Variants in TGM7 observed in about 807,000 individuals in gnomAD.
TGM7 encodes protein-glutamine gamma-glutamyltransferase Z.
Under a neutral mutation model 79.5 loss-of-function variants are expected in TGM7, and 74 were observed. The observed-to-expected ratio is 0.93, with a 90% CI of 0.77 to 1.13. The LOEUF is 1.13. Ranked by LOEUF, TGM7 falls within the 50% of genes most tolerant of loss-of-function variation. The probability of loss-of-function intolerance (pLI) is 0.00; values close to 1 mark genes in which losing one functional copy is unlikely to be tolerated. For synonymous variants in TGM7, 354 were observed against 362.5 expected, an observed-to-expected ratio of 0.98 and a Z score of 0.27; for missense variants, 912 against 905.9, an observed-to-expected ratio of 1.01 and a Z score of -0.09.
rs2042877004 is a variant in TGM7 at position 43,276,379 on chromosome 15, C to T, written c.*76G>A. 6.6e-7 allele frequency: 1 copy of T among 1,526,668 alleles called. No homozygotes were observed. Among genetic ancestry groups the T allele is most frequent in the Non-Finnish European group, 8.8e-7 (1 of 1,132,582 alleles). The allele number at this position is 1,526,668 out of a possible 1,614,324, so 94.6% of individuals were successfully genotyped here. On this transcript the variant is annotated 3_prime_UTR_variant, in exon 13 of 13. Coordinates refer to ENST00000452443, the MANE Select transcript of TGM7 (RefSeq NM_052955.3). ...GGCTAGAGAGAGGACAGAGGTGGAG[C>T]CAAGACGACATAGCCAGGAGTAGAA...
chr15:43,287,940 C>A (rs931144770), intron 4 of TGM7, among the ~76,000 whole-genome samples: 3 of 152,110 alleles, frequency 2.0e-5, no homozygotes, highest in Admixed American at 6.5e-5. Flanking sequence ...CTCGGCTGAA[C>A]AGATGAGAGA....
At position 43,287,457 on chromosome 15, in the gene TGM7, T is replaced by G; in HGVS notation, c.688A>C (p.Ile230Leu). Residue 230 changes from isoleucine (I) to leucine (L), a missense_variant and splice_region_variant, in exon 6 of 13, where the codon ATC becomes CTC. Coordinates refer to ENST00000452443, the MANE Select transcript of TGM7 (RefSeq NM_052955.3). Reference sequence around the variant, plus strand: ...ACGCCATTGTCATCGTTGCTGTTGATCTGCAGAGGACAGACAGGTGGGTTT... The same window carrying G: ...ACGCCATTGTCATCGTTGCTGTTGAGCTGCAGAGGACAGACAGGTGGGTTT... ...VYVCRVVSAM[I>L]NSNDDNGVLQ... 4 of 1,614,082 alleles carry G rather than the reference T, an allele frequency of 2.5e-6. No homozygotes were observed. In the East Asian group the frequency reaches 8.9e-5, roughly 36 times the overall value.
At chr15:43,279,016 T>A in intron 11 of TGM7, 101 bp downstream of exon 11, 1 of 1,275,378 alleles carries the variant, frequency 7.8e-7, no homozygotes, top group Non-Finnish European at 1.1e-6. Context: ...GCCATCGGTG[T>A]GGTGAGAGGT....
At chr15:43,294,320 T>C (rs1161527034) in intron 1 of TGM7, among the ~76,000 whole-genome samples, 7 of 152,318 alleles carry the variant, frequency 4.6e-5, no homozygotes, top group South Asian at 2.1e-4. Flanking sequence ...GCACACCTGG[T>C]ACATGGTTGT....
At position 43,276,428 on chromosome 15, in the gene TGM7, CCAGGGAGGG is replaced by C; in HGVS notation, c.*18_*26del. ...AAAGGAGCCAGGTGGGGCAGGGGTG[CCAGGGAGGG>C]CAGCTGGAGGGCGGGTCTCAGGGAG... On this transcript the variant is annotated 3_prime_UTR_variant, in exon 13 of 13. Coordinates refer to ENST00000452443, the MANE Select transcript of TGM7 (RefSeq NM_052955.3). 1 of 1,599,340 alleles carries C rather than the reference CCAGGGAGGG, an allele frequency of 6.3e-7. No homozygotes were observed. Among genetic ancestry groups the C allele is most frequent in the Non-Finnish European group, 8.5e-7 (1 of 1,172,378 alleles).
At chr15:43,280,388 T>C (rs1239973618) in intron 9 of TGM7, among the ~76,000 whole-genome samples, 1 of 151,488 alleles carries the variant, frequency 6.6e-6, no homozygotes, top group Non-Finnish European at 1.5e-5. Context: ...ATTTGGGAGG[T>C]TGAGATGGGT....
At chr15:43,299,606 T>C (rs1329196712) in intron 1 of TGM7, among the ~76,000 whole-genome samples, 27 of 152,278 alleles carry the variant, frequency 1.8e-4, no homozygotes, top group Non-Finnish European at 3.5e-4. Context: ...AAAGGGCAAA[T>C]TCTATCCAGT....
In TGM7 at chr15:43,288,237, G is replaced by A. The variant is rs558783612; in HGVS notation, c.559-568C>T. 2.0e-5 allele frequency among the ~76,000 whole-genome samples: 3 copies of A among 152,288 alleles called. No individual in the cohort carries two copies. In the South Asian group the frequency reaches 6.2e-4, roughly 32 times the overall value. On this transcript the variant is annotated intron_variant, in intron 4 of 12. Transcript: ENST00000452443. The stretch of plus-strand genomic sequence containing the variant: ...TGCACAATGTTTGTCACAATGCTTT[G>A]GCTGCCAAATGCACAGGTATTTGTC...
intron 1 of TGM7, among the ~76,000 whole-genome samples, chr15:43,299,866 C>T (rs1399366744): frequency 1.3e-5 from 2 of 152,270 alleles, no homozygotes; most frequent in East Asian, 1.9e-4. Flanking sequence ...AGATTACTGC[C>T]GTGTTCTGTG....
intron 1 of TGM7, among the ~76,000 whole-genome samples, chr15:43,294,083 G>A (rs1169876741): frequency 6.6e-6 from 1 of 152,134 alleles, no homozygotes; most frequent in Non-Finnish European, 1.5e-5. Flanking sequence ...TTAACTATTT[G>A]TTGACAATCT....
rs147415483 is a variant in TGM7 at position 43,297,986 on chromosome 15, G to T, written c.10+4255C>A. Among the ~76,000 whole-genome samples, 932 of 152,334 alleles carry T rather than the reference G, an allele frequency of 6.1e-3. 10 individuals carry two copies. The highest frequency in any genetic ancestry group is 0.022 in the African/African-American group (894 of 41,562). ...GAGCCTGGTGCCTAACTGCAGATAT[G>T]CATGGCTAATGTTCGTGGAATACTT... On this transcript the variant is annotated intron_variant, in intron 1 of 12. Coordinates refer to ENST00000452443, the MANE Select transcript of TGM7 (RefSeq NM_052955.3).
intron 9 of TGM7, among the ~76,000 whole-genome samples, chr15:43,280,863 G>C (rs995358021): frequency 6.6e-6 from 1 of 152,324 alleles, no homozygotes; most frequent in East Asian, 1.9e-4. Context: ...GAGAAAAGAA[G>C]AGAAGAAGAA....
In TGM7 at chr15:43,287,242, A is replaced by G. The variant is rs113988301; in HGVS notation, c.865+38T>C. ...CCACAGTTAACTTCTCTGATAATGA[A>G]GTTAATCACACCCCTAAGTGAGTGA... is the stretch of plus-strand genomic sequence containing the variant. On this transcript the variant is annotated intron_variant, in intron 6 of 12. Transcript: ENST00000452443. The G allele has an allele frequency of 2.9e-5, 46 of 1,591,156 alleles. 1 individual carries two copies. In the African/African-American group the frequency reaches 4.3e-4, roughly 15 times the overall value.
intron 4 of TGM7, among the ~76,000 whole-genome samples, chr15:43,289,295 G>A (rs1382978196): frequency 2.0e-5 from 3 of 152,110 alleles, no homozygotes; most frequent in Admixed American, 6.5e-5. Flanking sequence ...TCCCACCTAT[G>A]AGTGAGGACA....
At chr15:43,302,128 C>G (rs2142427146) in intron 1 of TGM7, 113 bp downstream of exon 1, 3 of 1,254,982 alleles carry the variant, frequency 2.4e-6, no homozygotes, top group Non-Finnish European at 3.5e-6. Flanking sequence ...AATGAACTAC[C>G]AATCATCAAT....
chr15:43,284,446 A>G (rs1459121143), intron 7 of TGM7, among the ~76,000 whole-genome samples: 2 of 152,204 alleles, frequency 1.3e-5, no homozygotes, highest in African/African-American at 4.8e-5. Flanking sequence ...GAAGAGGTCT[A>G]CAGAAGCAGC....
At chr15:43,276,776 C>A in intron 12 of TGM7, 86 bp downstream of exon 12, 1 of 1,566,466 alleles carries the variant, frequency 6.4e-7, no homozygotes, top group Non-Finnish European at 8.7e-7. Context: ...AGGCACTGCA[C>A]AGGAGACTGA....
chr15:43,299,904 T>G (rs2043017832), intron 1 of TGM7, among the ~76,000 whole-genome samples: 3 of 152,202 alleles, frequency 2.0e-5, no homozygotes, highest in African/African-American at 7.2e-5. Flanking sequence ...GAATAAAAAT[T>G]TCTTATTACT....
chr15:43,288,780 A>G (rs1178089275), intron 4 of TGM7, among the ~76,000 whole-genome samples: 1 of 152,136 alleles, frequency 6.6e-6, no homozygotes, highest in Admixed American at 6.5e-5. Flanking sequence ...AAATACAAAA[A>G]TTAGCCGGGC....
Sources: allele counts gnomAD v4.1 joint callset (sites outside exome capture counted in the v4.1 genomes callset), GRCh38; gene constraint gnomAD v4.1.1; transcripts MANE v1.5; gene names NCBI Gene and HGNC (gene_info 2026-07-23, HGNC 2026-07-21).